MYO18A: variants seen among roughly 807,000 people sequenced by gnomAD.
MYO18A encodes myosin XVIIIA.
In MYO18A, 78 loss-of-function variants were observed where a neutral mutation model predicts 235.8. The observed-to-expected ratio is 0.33, with a 90% CI of 0.28 to 0.40. The LOEUF is 0.40. Ranked by LOEUF, MYO18A falls within the 10% of genes least tolerant of loss-of-function variation. The pLI, the probability that MYO18A is intolerant of heterozygous loss-of-function variation, is 1.00. For synonymous variants in MYO18A, 977 were observed against 1,077.8 expected, an observed-to-expected ratio of 0.91 and a Z score of 1.83; for missense variants, 2,215 against 2,699.3, an observed-to-expected ratio of 0.82 and a Z score of 3.98.
intron 37 of MYO18A, among the ~76,000 whole-genome samples, chr17:29,087,971 C>A (rs2066296812): frequency 6.6e-6 from 1 of 152,002 alleles, no homozygotes; most frequent in South Asian, 2.1e-4. Context: ...CTTAGGCAAC[C>A]CACTTAACCC....
intron 30 of MYO18A, chr17:29,094,447 G>A (rs2066472450): frequency 3.2e-6 from 2 of 629,112 alleles, no homozygotes; most frequent in Non-Finnish European, 5.5e-6. Context: ...CATCAGATTT[G>A]TTTTTGTGGA....
rs940051089 is a variant in MYO18A at position 29,073,742 on chromosome 17, G to T, written c.*1028C>A. The T allele has an allele frequency of 6.3e-6, 7 of 1,113,940 alleles. No individual in the cohort carries two copies. The highest frequency in any genetic ancestry group is 9.1e-6 in the Non-Finnish European group (7 of 769,440). The allele number at this position is 1,113,940 out of a possible 1,614,324, so 69.0% of individuals were successfully genotyped here. Reference sequence around the variant, plus strand: ...GGTGTTGTGTCTGGGATAAGTGTGTGGGGGCAGGGAGGTTGGAAGAATGAC... The same window carrying T: ...GGTGTTGTGTCTGGGATAAGTGTGTTGGGGCAGGGAGGTTGGAAGAATGAC... On this transcript the variant is annotated 3_prime_UTR_variant, in exon 42 of 42. Coordinates refer to ENST00000527372, the MANE Select transcript of MYO18A (RefSeq NM_078471.4).
At chr17:29,177,169 G>C (rs2068553118) in intron 1 of MYO18A, among the ~76,000 whole-genome samples, 1 of 152,200 alleles carries the variant, frequency 6.6e-6, no homozygotes, top group African/African-American at 2.4e-5. Context: ...CTGCTGGAGA[G>C]CTATTCTGCT....
At chr17:29,075,953 T>C (rs2065964548) in intron 41 of MYO18A, 1 of 154,420 alleles carries the variant, frequency 6.5e-6, no homozygotes. Flanking sequence ...TGTTCCCTGC[T>C]GCCTATAATT....
At chr17:29,124,399 A>G (rs1391469443) in intron 2 of MYO18A, among the ~76,000 whole-genome samples, 1 of 152,130 alleles carries the variant, frequency 6.6e-6, no homozygotes, top group Non-Finnish European at 1.5e-5. Context: ...CACATGCCAC[A>G]TGGGCCCAAC....
chr17:29,102,166 G>A (rs1415485112), intron 21 of MYO18A, among the ~76,000 whole-genome samples: 6 of 152,190 alleles, frequency 3.9e-5, no homozygotes, highest in African/African-American at 1.2e-4. Flanking sequence ...TGCCTCAGCC[G>A]GGCACCTGGC....
At chr17:29,088,774 A>G (rs1046180083) in intron 37 of MYO18A, among the ~76,000 whole-genome samples, 3 of 152,240 alleles carry the variant, frequency 2.0e-5, no homozygotes, top group Non-Finnish European at 4.4e-5. Flanking sequence ...ATGGTGGCTC[A>G]TGCCTGTAAT....
chr17:29,149,022 G>T (rs2067913155), intron 2 of MYO18A, among the ~76,000 whole-genome samples: 1 of 152,242 alleles, frequency 6.6e-6, no homozygotes, highest in African/African-American at 2.4e-5. Flanking sequence ...AGCGCCGCTG[G>T]CGCCCAGCAG....
chr17:29,087,243 G>T, intron 37 of MYO18A, 122 bp from the exon 38 acceptor site: 2 of 1,015,764 alleles, frequency 2.0e-6, no homozygotes, highest in South Asian at 1.6e-5. Context: ...CCGTTCATTG[G>T]CTACCTGGGC....
At chr17:29,084,765 C>T (rs1598272737) in intron 40 of MYO18A, among the ~76,000 whole-genome samples, 1 of 151,624 alleles carries the variant, frequency 6.6e-6, no homozygotes, top group Admixed American at 6.6e-5. Context: ...GTCCATCAGG[C>T]GAGAGAGAGT....
At chr17:29,173,689 C>A (rs572907873) in intron 1 of MYO18A, among the ~76,000 whole-genome samples, 1 of 152,168 alleles carries the variant, frequency 6.6e-6, no homozygotes, top group Non-Finnish European at 1.5e-5. Flanking sequence ...CCCGGCCTGC[C>A]GTTACTTTTT....
At chr17:29,176,192 A>T (rs935023287) in intron 1 of MYO18A, among the ~76,000 whole-genome samples, 3 of 150,438 alleles carry the variant, frequency 2.0e-5, no homozygotes, top group Non-Finnish European at 3.0e-5. Context: ...TTTCCAGACT[A>T]AAAAAAAATG....
Position 29,072,519 on chromosome 17 carries a change from C to G in MYO18A, c.*2251G>C, listed in dbSNP as rs2065896697. On this transcript the variant is annotated 3_prime_UTR_variant, in exon 42 of 42. Transcript: ENST00000527372. Reference sequence around the variant, plus strand: ...TTCCAGCTTGGGCGACATAGCAAGACTCTGTCTCCAAAAGACAAGTAACTT... The same window carrying G: ...TTCCAGCTTGGGCGACATAGCAAGAGTCTGTCTCCAAAAGACAAGTAACTT... 1 of 152,250 alleles carries G rather than the reference C, an allele frequency of 6.6e-6. No homozygotes were observed. The highest frequency in any genetic ancestry group is 1.5e-5 in the Non-Finnish European group (1 of 68,088). The allele number at this position is 152,250 out of a possible 1,614,324, so 9.4% of individuals were successfully genotyped here. A position where few individuals can be genotyped will look rare whatever the true frequency, so the allele number is the denominator to read the frequency against.
Position 29,111,212 on chromosome 17 carries a change from C to G in MYO18A, c.2900+212G>C, listed in dbSNP as rs1044448471. Among the ~76,000 whole-genome samples, 4 of 152,152 alleles carry G rather than the reference C, an allele frequency of 2.6e-5. No homozygotes were observed. Among genetic ancestry groups the G allele is most frequent in the Admixed American group, 1.3e-4 (2 of 15,274 alleles). On this transcript the variant is annotated intron_variant, in intron 17 of 41. Coordinates refer to ENST00000527372, the MANE Select transcript of MYO18A (RefSeq NM_078471.4). The surrounding 1 kb of genome is among the most constrained non-coding windows in gnomAD (Gnocchi z 5.1). ...TTGAGGGTGTTCTTCACATTTAAAC[C>G]ATAGGCTCTCCCACCATGTCTGCCT...
At chr17:29,155,979 CA>C (rs1161390134) in intron 2 of MYO18A, among the ~76,000 whole-genome samples, 3 of 152,110 alleles carry the variant, frequency 2.0e-5, no homozygotes, top group African/African-American at 7.2e-5. Context: ...TTCCAGGAAC[CA>C]AAACTGTCTC....
intron 41 of MYO18A, chr17:29,077,731 C>T (rs80326352): frequency 0.038 from 5,816 of 152,516 alleles, 288 homozygotes; most frequent in African/African-American, 0.11. Flanking sequence ...GTGGAAGAAA[C>T]AGGCTTTTGG....
intron 41 of MYO18A, 86 bp downstream of exon 41, chr17:29,082,230 C>A (rs535711552): frequency 6.4e-7 from 1 of 1,562,098 alleles, no homozygotes; most frequent in Non-Finnish European, 8.8e-7. Context: ...GAGACACAGG[C>A]CTGCCCTCAT....
chr17:29,109,814 C>A lies in MYO18A; in HGVS notation c.3331+44G>T. The A allele has an allele frequency of 1.3e-6, 2 of 1,538,456 alleles. No homozygotes were observed. Among genetic ancestry groups the A allele is most frequent in the Non-Finnish European group, 1.8e-6 (2 of 1,138,048 alleles). On this transcript the variant is annotated intron_variant, in intron 19 of 41. Transcript: ENST00000527372. This position sits in a 1 kb window ranked among gnomAD's most constrained non-coding sequence, Gnocchi z 4.1. ...GGGAGGTGGGGCCGGGCAGGGCCAG[C>A]TCTGGAAAAGAGAGCCCAGAGTGGA...
intron 2 of MYO18A, among the ~76,000 whole-genome samples, chr17:29,164,741 T>C (rs1346057603): frequency 6.6e-6 from 1 of 152,210 alleles, no homozygotes; most frequent in African/African-American, 2.4e-5. Context: ...TTCAAACTGC[T>C]ATGTAGCCAC....
Sources: gnomAD v4.1 joint callset for allele counts (sites outside exome capture counted in the v4.1 genomes callset) on GRCh38, gnomAD v4.1.1 for gene constraint, Gnocchi (gnomAD v3.1) non-coding constraint, MANE v1.5 for transcripts, NCBI Gene and HGNC (gene_info 2026-07-23, HGNC 2026-07-21) for gene names.